Variants in VEPH1 observed in about 807,000 individuals in gnomAD.
VEPH1 encodes ventricular zone expressed PH domain containing 1.
In VEPH1, 80 loss-of-function variants were observed where a neutral mutation model predicts 85.2. That is an observed-to-expected ratio of 0.94 (90% CI 0.78 to 1.13). VEPH1 has a LOEUF of 1.13. Among genes scored for constraint, VEPH1 ranks in the 50% most tolerant of loss-of-function variants. The probability of loss-of-function intolerance (pLI) is 0.00; values close to 1 mark genes in which losing one functional copy is unlikely to be tolerated. For missense variants in VEPH1, 955 were observed against 980.5 expected, an observed-to-expected ratio of 0.97 and a Z score of 0.35; for synonymous variants, 297 against 348.0, an observed-to-expected ratio of 0.85 and a Z score of 1.63.
At chr3:157,309,361 T>A (rs920823545) in intron 11 of VEPH1, among the ~76,000 whole-genome samples, 4 of 152,232 alleles carry the variant, frequency 2.6e-5, no homozygotes, top group African/African-American at 9.6e-5. Flanking sequence ...TAAGAACACA[T>A]CTTTCCATTT....
chr3:157,321,604 G>A (rs1424825299), intron 9 of VEPH1, among the ~76,000 whole-genome samples: 1 of 152,160 alleles, frequency 6.6e-6, no homozygotes, highest in Non-Finnish European at 1.5e-5. Flanking sequence ...ATGAGTGAAT[G>A]GCTCAGATAA....
intron 7 of VEPH1, among the ~76,000 whole-genome samples, chr3:157,379,301 C>T (rs1728496476): frequency 6.6e-6 from 1 of 152,094 alleles, no homozygotes; most frequent in African/African-American, 2.4e-5. Flanking sequence ...TTTGTATGTG[C>T]TATTTTTTTT....
At chr3:157,367,891 A>G (rs1256966048) in intron 7 of VEPH1, among the ~76,000 whole-genome samples, 2 of 152,222 alleles carry the variant, frequency 1.3e-5, no homozygotes, top group African/African-American at 2.4e-5. Context: ...CTTTCTGTCT[A>G]AAGCTCTGGC....
At chr3:157,309,225 G>T (rs1559944875) in intron 11 of VEPH1, among the ~76,000 whole-genome samples, 3 of 152,000 alleles carry the variant, frequency 2.0e-5, no homozygotes, top group Admixed American at 1.3e-4. Flanking sequence ...ATGCTTTCAA[G>T]CAATACTAAA....
intron 6 of VEPH1, among the ~76,000 whole-genome samples, chr3:157,393,189 G>A (rs1009628618): frequency 1.3e-5 from 2 of 152,336 alleles, no homozygotes; most frequent in East Asian, 1.9e-4. Context: ...ATGGTAGAGA[G>A]AGAATAGAAA....
chr3:157,465,045 C>T (rs1026946920), intron 3 of VEPH1, among the ~76,000 whole-genome samples: 7 of 152,158 alleles, frequency 4.6e-5, no homozygotes, highest in African/African-American at 7.2e-5. Flanking sequence ...GAGCAGGTCT[C>T]AGGAACCTGG....
At chr3:157,295,053 CA>C (rs2108424525) in intron 11 of VEPH1, among the ~76,000 whole-genome samples, 1 of 152,180 alleles carries the variant, frequency 6.6e-6, no homozygotes, top group East Asian at 1.9e-4. Flanking sequence ...ACAGCTGTTC[CA>C]CCCCCTATGT....
chr3:157,412,512 G>C (rs748475107), intron 6 of VEPH1, among the ~76,000 whole-genome samples: 49 of 152,128 alleles, frequency 3.2e-4, no homozygotes, highest in African/African-American at 1.1e-3. Context: ...TTCTTGCAAA[G>C]ATCTGCAAGG....
intron 11 of VEPH1, among the ~76,000 whole-genome samples, chr3:157,286,890 G>A (rs1016231596): frequency 4.6e-5 from 7 of 152,158 alleles, no homozygotes; most frequent in African/African-American, 1.4e-4. Flanking sequence ...CAGCGGGAGC[G>A]AGCACAGGCC....
chr3:157,316,412 C>T (rs147539523), intron 10 of VEPH1, among the ~76,000 whole-genome samples: 15 of 151,544 alleles, frequency 9.9e-5, no homozygotes, highest in Non-Finnish European at 1.5e-4. Flanking sequence ...AGGGGTCAGA[C>T]GATCTGAGTT....
intron 9 of VEPH1, among the ~76,000 whole-genome samples, chr3:157,318,755 G>A (rs1279287514): frequency 6.6e-6 from 1 of 151,874 alleles, no homozygotes; most frequent in African/African-American, 2.4e-5. Context: ...GTTGAAAGTC[G>A]ATGAGAAAAG....
intron 12 of VEPH1, among the ~76,000 whole-genome samples, chr3:157,283,938 T>C (rs113114208): frequency 5.7e-4 from 87 of 152,336 alleles, no homozygotes; most frequent in African/African-American, 1.9e-3. Flanking sequence ...AGCTGGCCCC[T>C]GTGTGGGTGT....
intron 7 of VEPH1, among the ~76,000 whole-genome samples, chr3:157,375,012 C>T (rs1030282149): frequency 2.0e-5 from 3 of 152,176 alleles, no homozygotes; most frequent in Non-Finnish European, 4.4e-5. Context: ...GTATTACTGG[C>T]CCTCCAGGAA....
At chr3:157,438,005 G>T in intron 4 of VEPH1, 2 of 1,435,122 alleles carry the variant, frequency 1.4e-6, no homozygotes, top group Non-Finnish European at 1.8e-6. Context: ...CCTTCTAGGG[G>T]AAGCTTTCAT....
chr3:157,393,685 T>C (rs553739328), intron 6 of VEPH1, among the ~76,000 whole-genome samples: 249 of 152,306 alleles, frequency 1.6e-3, no homozygotes, highest in Non-Finnish European at 2.6e-3. Flanking sequence ...CAGGAAATTA[T>C]CAATAACATT....
intron 2 of VEPH1, among the ~76,000 whole-genome samples, chr3:157,471,098 T>C (rs182637193): frequency 5.2e-4 from 79 of 152,318 alleles, no homozygotes; most frequent in African/African-American, 1.8e-3. Context: ...TAATGGGACC[T>C]CCAAAACATC....
intron 11 of VEPH1, among the ~76,000 whole-genome samples, chr3:157,294,944 C>G (rs548233506): frequency 6.6e-6 from 1 of 152,260 alleles, no homozygotes; most frequent in African/African-American, 2.4e-5. Flanking sequence ...CATTAGTCTT[C>G]CCTTCAACCT....
chr3:157,459,661 G>T, intron 4 of VEPH1: 1 of 1,331,688 alleles, frequency 7.5e-7, no homozygotes, highest in East Asian at 2.8e-5. Flanking sequence ...TCATTCAAAT[G>T]TTGTAACAAT....
At chr3:157,284,259 A>G (rs1014134000) in intron 12 of VEPH1, among the ~76,000 whole-genome samples, 1 of 152,240 alleles carries the variant, frequency 6.6e-6, no homozygotes, top group Non-Finnish European at 1.5e-5. Flanking sequence ...TGCTAAAAAC[A>G]TAAAAGAAGT....
Sources: gnomAD v4.1 joint callset for allele counts (sites outside exome capture counted in the v4.1 genomes callset) on GRCh38, gnomAD v4.1.1 for gene constraint, MANE v1.5 for transcripts, NCBI Gene and HGNC (gene_info 2026-07-23, HGNC 2026-07-21) for gene names.